The following GLB1 variants were observed in gnomAD, a reference collection of about 807,000 sequenced individuals.
The protein encoded by GLB1 is galactosidase beta 1, also known as beta-galactosidase.
Under a neutral mutation model 74.0 loss-of-function variants are expected in GLB1, and 56 were observed. The observed-to-expected ratio is 0.76, with a 90% confidence interval of 0.61 to 0.94. The LOEUF (loss-of-function observed/expected upper bound fraction) is 0.94. GLB1 is among the 40% of genes least tolerant of loss of function. The pLI, the probability that GLB1 is intolerant of heterozygous loss-of-function variation, is 0.00. For synonymous variants in GLB1, 323 were observed against 323.6 expected (o/e 1.00, Z 0.02); for missense variants, 787 against 845.5 (o/e 0.93, Z 0.86).
At chr3:33,003,800 T>C (rs145724286) in intron 15 of GLB1, among the ~76,000 whole-genome samples, 6,683 of 152,138 alleles carry the variant, frequency 0.044, 208 homozygotes, top group African/African-American at 0.076. Context: ...GAGGCCAAGG[T>C]GGGTGGATCA....
intron 1 of GLB1, among the ~76,000 whole-genome samples, chr3:33,073,109 C>A (rs1228975821): frequency 7.9e-5 from 12 of 152,126 alleles, no homozygotes. Context: ...AACAATGTCA[C>A]TGGGATAACC....
At chr3:33,065,333 A>T in intron 5 of GLB1, 130 bp downstream of exon 5, 2 of 1,246,560 alleles carry the variant, frequency 1.6e-6, no homozygotes, top group East Asian at 5.1e-5. Flanking sequence ...AACTAAAAGC[A>T]CTATCTGTGG....
At chr3:33,094,295 C>T in intron 1 of GLB1, 1 of 1,502,224 alleles carries the variant, frequency 6.7e-7, no homozygotes, top group South Asian at 1.4e-5. Context: ...GTTTCCAGGT[C>T]AACTCCGCCT....
intron 1 of GLB1, chr3:33,077,116 C>T (rs1313418898): frequency 1.4e-6 from 2 of 1,418,812 alleles, no homozygotes; most frequent in Admixed American, 4.2e-5. Context: ...CCTCCTTCTT[C>T]TCCCACTCCT....
At chr3:33,042,048 T>C (rs1698522939) in intron 10 of GLB1, among the ~76,000 whole-genome samples, 1 of 152,152 alleles carries the variant, frequency 6.6e-6, no homozygotes. Context: ...ACTCCCCATC[T>C]GAAAATTATA....
chr3:33,035,068 T>A (rs1487322704), intron 10 of GLB1, among the ~76,000 whole-genome samples: 2 of 152,124 alleles, frequency 1.3e-5, no homozygotes, highest in East Asian at 3.9e-4. Context: ...ATTAAAAAAA[T>A]AAACAAAAGG....
At chr3:33,074,409 A>AAAGAAAGAAAGAAAG (rs1559413033) in intron 1 of GLB1, among the ~76,000 whole-genome samples, 9 of 115,118 alleles carry the variant, frequency 7.8e-5, no homozygotes, top group Non-Finnish European at 1.0e-4. Context: ...AGAAAGAAAG[A>AAAGAAAGAAAGAAAG]ATATTACACA....
At chr3:33,060,534 G>C (rs1222017977) in intron 5 of GLB1, among the ~76,000 whole-genome samples, 1 of 152,118 alleles carries the variant, frequency 6.6e-6, no homozygotes, top group Non-Finnish European at 1.5e-5. Context: ...GCAACTAAAT[G>C]GTCTCACAGC....
chr3:33,007,967 G>C (rs1008203626), intron 15 of GLB1, among the ~76,000 whole-genome samples: 8 of 152,168 alleles, frequency 5.3e-5, no homozygotes, highest in Non-Finnish European at 1.2e-4. Context: ...AGCTATCTAA[G>C]CCTCCAGCTA....
At chr3:33,072,417 C>G in intron 2 of GLB1, 127 bp downstream of exon 2, 1 of 1,457,926 alleles carries the variant, frequency 6.9e-7, no homozygotes, top group Non-Finnish European at 9.3e-7. Context: ...AAGCCCCTCC[C>G]AGAACATCAC....
intron 1 of GLB1, chr3:33,094,215 C>T (rs982542214): frequency 1.5e-5 from 23 of 1,576,822 alleles, no homozygotes; most frequent in African/African-American, 4.0e-5. Context: ...TCCTAGTAGG[C>T]TCCCCCACCA....
chr3:33,094,017 G>T, intron 1 of GLB1: 1 of 1,614,226 alleles, frequency 6.2e-7, no homozygotes, highest in South Asian at 1.1e-5. Flanking sequence ...AATGTAGAGG[G>T]AGCCAATGAG....
Position 33,093,437 on chromosome 3 carries a change from C to T in GLB1, c.75+3574G>A, listed in dbSNP as rs549585817. 49 of 1,614,092 alleles carry T rather than the reference C, an allele frequency of 3.0e-5. No homozygotes were observed. The highest frequency in any genetic ancestry group is 3.7e-5 in the Non-Finnish European group (44 of 1,180,026). On this transcript the variant is annotated intron_variant, in intron 1 of 15. Coordinates refer to ENST00000307363, the MANE Select transcript of GLB1 (RefSeq NM_000404.4). The surrounding 1 kb of genome is among the most constrained non-coding windows in gnomAD (Gnocchi z 6.0). ...GAGGAGCGACAGCCGTCCGCAGGAC[C>T]GAGGCTTCTGAGTCGGAGAGGTCAC...
the GLB1 span, among the ~76,000 whole-genome samples, chr3:32,967,953 AGGGGAGCTTGATCACCTCCC>A: frequency 6.6e-6 from 1 of 152,204 alleles, no homozygotes; most frequent in Non-Finnish European, 1.5e-5. Flanking sequence ...ATAAGGACAA[AGGGGAGCTTGATCACCTCCC>A]GGGGAATGAC....
At chr3:32,969,488 A>T in the GLB1 span, among the ~76,000 whole-genome samples, 4 of 152,206 alleles carry the variant, frequency 2.6e-5, no homozygotes, top group African/African-American at 9.6e-5. Context: ...CAAGAACACT[A>T]AAGGCTAAAG....
At chr3:33,087,792 A>T (rs1359085407) in intron 1 of GLB1, among the ~76,000 whole-genome samples, 1 of 152,216 alleles carries the variant, frequency 6.6e-6, no homozygotes, top group Non-Finnish European at 1.5e-5. Context: ...CCAAAGCCAG[A>T]CAAATACACT....
intron 10 of GLB1, among the ~76,000 whole-genome samples, chr3:33,044,344 T>C (rs11718295): frequency 1.0e-3 from 154 of 152,270 alleles, no homozygotes; most frequent in Admixed American, 2.2e-3. Flanking sequence ...TAGATATGTT[T>C]AGAAGCAAAC....
At chr3:32,995,835 A>G (rs4678849), downstream of GLB1, among the ~76,000 whole-genome samples, 4,585 of 112,386 alleles carry the variant, frequency 0.041, 149 homozygotes, top group Admixed American at 0.11. Context: ...ACAGAGCAAG[A>G]CCCAGCCTCA....
At chr3:33,020,040 A>G (rs1697403145) in intron 12 of GLB1, among the ~76,000 whole-genome samples, 1 of 152,076 alleles carries the variant, frequency 6.6e-6, no homozygotes, top group African/African-American at 2.4e-5. Flanking sequence ...AGTAACCTGG[A>G]ACTCCCTCCC....
Sources: gnomAD v4.1 joint callset for allele counts (sites outside exome capture counted in the v4.1 genomes callset) on GRCh38, gnomAD v4.1.1 for gene constraint, Gnocchi (gnomAD v3.1) non-coding constraint, MANE v1.5 for transcripts, NCBI Gene and HGNC (gene_info 2026-07-23, HGNC 2026-07-21) for gene names.